Variants in ZNF362 observed in about 807,000 individuals in gnomAD.
ZNF362 encodes the protein rotund homolog.
A neutral mutation model predicts 42.9 loss-of-function variants in ZNF362; 11 were observed. The ratio of observed to expected loss-of-function variants is 0.26; its 90% CI spans 0.16 to 0.42. The LOEUF is 0.42. ZNF362 is among the 20% of genes least tolerant of loss of function. The pLI, the probability that ZNF362 is intolerant of heterozygous loss-of-function variation, is 1.00. For missense variants in ZNF362, 362 were observed against 576.2 expected, an observed-to-expected ratio of 0.63 and a Z score of 3.81; for synonymous variants, 255 against 257.3, an observed-to-expected ratio of 0.99 and a Z score of 0.09.
intron 6 of ZNF362, among the ~76,000 whole-genome samples, chr1:33,282,897 C>T (rs1266486697): frequency 1.3e-5 from 2 of 151,230 alleles, no homozygotes; most frequent in Non-Finnish European, 2.9e-5. Flanking sequence ...AATAAAAATA[C>T]CATTGGTATT....
the ZNF362 span, among the ~76,000 whole-genome samples, chr1:33,210,754 C>CT: frequency 1.3e-5 from 2 of 151,892 alleles, no homozygotes; most frequent in East Asian, 1.9e-4. Context: ...GCAACCCCTA[C>CT]TTTTTTTTCT....
At chr1:33,155,222 C>A in the ZNF362 span, among the ~76,000 whole-genome samples, 2 of 151,750 alleles carry the variant, frequency 1.3e-5, no homozygotes, top group African/African-American at 4.8e-5. Context: ...CAGGCGTGTA[C>A]CACCATGCCT....
chr1:33,254,013 G>T (rs943415475), upstream of ZNF362, among the ~76,000 whole-genome samples: 1 of 151,940 alleles, frequency 6.6e-6, no homozygotes, highest in Non-Finnish European at 1.5e-5. Flanking sequence ...TATTTGTTAC[G>T]ATTTGTTATA....
At chr1:33,165,720 T>C in the ZNF362 span, 1 of 549,096 alleles carries the variant, frequency 1.8e-6, no homozygotes, top group Non-Finnish European at 3.1e-6. This position sits in a 1 kb window ranked among gnomAD's most constrained non-coding sequence, Gnocchi z 4.0. Context: ...GCAAGTCCTG[T>C]AGAGTCTGTC....
the ZNF362 span, chr1:33,176,442 T>C: frequency 2.9e-6 from 2 of 697,444 alleles, no homozygotes; most frequent in African/African-American, 1.7e-5. Context: ...CACTGCTGTC[T>C]TCTCTGGCAT....
At chr1:33,259,425 G>A (rs552204683) in intron 1 of ZNF362, among the ~76,000 whole-genome samples, 6 of 152,280 alleles carry the variant, frequency 3.9e-5, no homozygotes, top group Admixed American at 3.3e-4. Flanking sequence ...GGTGGGGACC[G>A]GGTCTGAAGC....
At chr1:33,148,223 C>T in the ZNF362 span, among the ~76,000 whole-genome samples, 2 of 152,184 alleles carry the variant, frequency 1.3e-5, no homozygotes, top group African/African-American at 2.4e-5. Context: ...CTGCCCCACA[C>T]CTTCCCCGAC....
the ZNF362 span, among the ~76,000 whole-genome samples, chr1:33,187,780 A>G: frequency 6.6e-6 from 1 of 152,230 alleles, no homozygotes; most frequent in Non-Finnish European, 1.5e-5. Flanking sequence ...TCTCTGGTTC[A>G]ACAGAGCCTA....
At chr1:33,264,325 T>C (rs1181569065) in intron 1 of ZNF362, among the ~76,000 whole-genome samples, 1 of 152,162 alleles carries the variant, frequency 6.6e-6, no homozygotes, top group Non-Finnish European at 1.5e-5. Context: ...ATGGCATTAC[T>C]GGCTGGTCAG....
the ZNF362 span, among the ~76,000 whole-genome samples, chr1:33,160,673 G>A: frequency 6.6e-6 from 1 of 152,104 alleles, no homozygotes; most frequent in African/African-American, 2.4e-5. Flanking sequence ...CCAAAGTGCT[G>A]GGATTACAGG....
chr1:33,223,905 A>G, the ZNF362 span, among the ~76,000 whole-genome samples: 13 of 151,990 alleles, frequency 8.6e-5, no homozygotes, highest in South Asian at 1.0e-3. Flanking sequence ...AAAAAAAAAA[A>G]AAAAAGAAAA....
chr1:33,293,991 A>G (rs1646098722), intron 6 of ZNF362, among the ~76,000 whole-genome samples: 1 of 152,194 alleles, frequency 6.6e-6, no homozygotes, highest in African/African-American at 2.4e-5. Flanking sequence ...TTTTTCCCAC[A>G]GAACTTACTA....
chr1:33,295,006 C>T lies in ZNF362; in HGVS notation c.978C>T (p.Ser326=). The change falls in exon 7 of 9, where the codon TCC becomes TCT. Residue 326 remains serine (S), a synonymous_variant. Coordinates refer to ENST00000539719, the MANE Select transcript of ZNF362 (RefSeq NM_152493.3). Reference sequence around the variant, plus strand: ...GCGAGAAGGCTTTCACTCAGCTCTCCAACCTCCAGGTGAGTGCCTGCCTGC... The same window carrying T: ...GCGAGAAGGCTTTCACTCAGCTCTCTAACCTCCAGGTGAGTGCCTGCCTGC... The part of the protein sequence containing the change: ...PGCEKAFTQL[S]NLQSHQRQHN... 5 of 1,614,124 alleles carry T rather than the reference C, an allele frequency of 3.1e-6. 1 individual carries two copies. The South Asian group carries it at 4.4e-5, about 14-fold the overall frequency.
At chr1:33,177,449 G>GAC in the ZNF362 span, among the ~76,000 whole-genome samples, 1 of 152,112 alleles carries the variant, frequency 6.6e-6, no homozygotes, top group Non-Finnish European at 1.5e-5. The surrounding 1 kb of genome is among the most constrained non-coding windows in gnomAD (Gnocchi z 4.1). Context: ...CGTGACCAAG[G>GAC]ACACACAGCA....
At chr1:33,166,621 A>G in the ZNF362 span, among the ~76,000 whole-genome samples, 1 of 152,212 alleles carries the variant, frequency 6.6e-6, no homozygotes, top group Non-Finnish European at 1.5e-5. Flanking sequence ...CCCATAGCAT[A>G]CAGATAAACA....
upstream of ZNF362, among the ~76,000 whole-genome samples, chr1:33,252,188 C>T (rs1645764532): frequency 6.6e-6 from 1 of 152,162 alleles, no homozygotes; most frequent in Non-Finnish European, 1.5e-5. Flanking sequence ...TACGTCTTTA[C>T]TAAATATACA....
chr1:33,183,270 C>T, the ZNF362 span, among the ~76,000 whole-genome samples: 1 of 152,292 alleles, frequency 6.6e-6, no homozygotes, highest in South Asian at 2.1e-4. Context: ...CTGCCTCCTC[C>T]AGAAATATCT....
chr1:33,141,471 G>A, the ZNF362 span, among the ~76,000 whole-genome samples: 1 of 152,192 alleles, frequency 6.6e-6, no homozygotes, highest in Non-Finnish European at 1.5e-5. Context: ...GGTTAGACTG[G>A]AGGATCACTC....
intron 4 of ZNF362, among the ~76,000 whole-genome samples, chr1:33,277,273 A>T (rs1022324761): frequency 2.0e-5 from 3 of 152,252 alleles, no homozygotes; most frequent in African/African-American, 4.8e-5. Context: ...ACAGATGAGG[A>T]AACTGAGGCA....
Sources: gnomAD v4.1 joint callset for allele counts (sites outside exome capture counted in the v4.1 genomes callset) on GRCh38, gnomAD v4.1.1 for gene constraint, Gnocchi (gnomAD v3.1) non-coding constraint, MANE v1.5 for transcripts, NCBI Gene and HGNC (gene_info 2026-07-23, HGNC 2026-07-21) for gene names.